IL1RAP: variants seen among roughly 807,000 people sequenced by gnomAD.
IL1RAP encodes interleukin 1 receptor accessory protein, also known as interleukin-1 receptor accessory protein.
IL1RAP carries 35 observed loss-of-function variants against 60.7 expected under a neutral mutation model. The observed-to-expected ratio is 0.58, with a 90% CI of 0.44 to 0.76. The LOEUF is 0.76. IL1RAP is among the 30% of genes least tolerant of loss of function. The pLI is 0.00. For synonymous variants in IL1RAP, 268 were observed against 250.9 expected, an observed-to-expected ratio of 1.07 and a Z score of -0.64; for missense variants, 572 against 693.9, an observed-to-expected ratio of 0.82 and a Z score of 1.97.
chr3:190,650,667 T>G lies in IL1RAP; in HGVS notation c.*1962T>G. 1 of 941,358 alleles carries G rather than the reference T, an allele frequency of 1.1e-6. No homozygotes were observed. The highest frequency in any genetic ancestry group is 4.9e-5 in the South Asian group (1 of 20,414). The allele number at this position is 941,358 out of a possible 1,614,324, so 58.3% of individuals were successfully genotyped here. On this transcript the variant is annotated 3_prime_UTR_variant, in exon 12 of 12. Transcript: ENST00000447382. ...ATTTTAAATTGAAAAAAGTTTCACT[T>G]GGATGAAAAAAGTAGAAAAGTAGGT...
At chr3:190,562,223 T>C (rs1725950681) in intron 2 of IL1RAP, among the ~76,000 whole-genome samples, 2 of 152,230 alleles carry the variant, frequency 1.3e-5, no homozygotes, top group South Asian at 4.1e-4. Context: ...GTCTCAAGTC[T>C]AAATATCCAT....
At position 190,629,511 on chromosome 3, in the gene IL1RAP, G is replaced by T. The variant is rs1732597222; in HGVS notation, c.1051+13G>T. The T allele has an allele frequency of 9.4e-6, 15 of 1,601,462 alleles. No homozygotes were observed. Among genetic ancestry groups the T allele is most frequent in the Non-Finnish European group, 1.3e-5 (15 of 1,174,770 alleles). On this transcript the variant is annotated intron_variant, in intron 9 of 11. Transcript: ENST00000447382. ...GTGAAGCAGAAAGGTAATAGATGCG[G>T]TCAGTGATGAATCTCTCAGCTCCAA...
At chr3:190,643,185 C>G (rs1375094688) in intron 9 of IL1RAP, among the ~76,000 whole-genome samples, 1 of 151,986 alleles carries the variant, frequency 6.6e-6, no homozygotes, top group Admixed American at 6.5e-5. Flanking sequence ...AAATGATAAA[C>G]AAAGGGAAGA....
At chr3:190,577,594 C>T (rs929244859) in intron 3 of IL1RAP, among the ~76,000 whole-genome samples, 3 of 152,184 alleles carry the variant, frequency 2.0e-5, no homozygotes, top group African/African-American at 7.2e-5. Context: ...GTTACCTAGG[C>T]TAGAGTGCTC....
chr3:190,644,464 A>G (rs1024129791), intron 10 of IL1RAP, 67 bp downstream of exon 10: 15 of 1,244,466 alleles, frequency 1.2e-5, no homozygotes, highest in Middle Eastern at 1.9e-4. Context: ...TGTAAAAAAA[A>G]GAAAAAAGAA....
intron 2 of IL1RAP, among the ~76,000 whole-genome samples, chr3:190,557,271 C>G (rs149960048): frequency 6.6e-6 from 1 of 152,308 alleles, no homozygotes; most frequent in East Asian, 1.9e-4. Flanking sequence ...AAACCCAGTT[C>G]TAGTTCTCCC....
intron 3 of IL1RAP, among the ~76,000 whole-genome samples, chr3:190,571,869 T>G (rs1385044346): frequency 6.6e-6 from 1 of 151,980 alleles, no homozygotes. Context: ...CATCAGTTAT[T>G]GTTAGTGTTA....
chr3:190,596,279 T>A (rs966028735), intron 3 of IL1RAP, among the ~76,000 whole-genome samples: 1 of 152,202 alleles, frequency 6.6e-6, no homozygotes, highest in African/African-American at 2.4e-5. Flanking sequence ...GAAGAGCTTT[T>A]CTGTGGAAAA....
intron 1 of IL1RAP, among the ~76,000 whole-genome samples, chr3:190,514,534 C>A (rs375171741): frequency 6.6e-6 from 1 of 151,792 alleles, no homozygotes; most frequent in Non-Finnish European, 1.5e-5. Context: ...CCGCCCCCTC[C>A]CCGCTACCAC....
intron 1 of IL1RAP, among the ~76,000 whole-genome samples, chr3:190,529,202 T>C (rs1418064758): frequency 6.6e-6 from 1 of 152,150 alleles, no homozygotes; most frequent in African/African-American, 2.4e-5. Flanking sequence ...TCTGCCTGGC[T>C]TCAGACGGAG....
intron 2 of IL1RAP, among the ~76,000 whole-genome samples, chr3:190,556,425 C>T (rs1725436041): frequency 1.3e-5 from 2 of 151,770 alleles, no homozygotes; most frequent in South Asian, 4.2e-4. Flanking sequence ...TGTATGTTTT[C>T]ACATGTCACA....
chr3:190,553,827 G>A (rs1725115043), intron 1 of IL1RAP, among the ~76,000 whole-genome samples: 2 of 151,968 alleles, frequency 1.3e-5, no homozygotes, highest in Non-Finnish European at 2.9e-5. Context: ...TTGGGAGGCC[G>A]AGGCGGGCGG....
chr3:190,548,113 A>G (rs1308413469), intron 1 of IL1RAP, among the ~76,000 whole-genome samples: 1 of 152,202 alleles, frequency 6.6e-6, no homozygotes, highest in Middle Eastern at 3.2e-3. Context: ...CCTTGGATCC[A>G]TTCAAGTCTA....
At chr3:190,532,358 GT>G (rs1231272425) in intron 1 of IL1RAP, among the ~76,000 whole-genome samples, 1 of 151,140 alleles carries the variant, frequency 6.6e-6, no homozygotes, top group Non-Finnish European at 1.5e-5. Context: ...CGCCTCCTGG[GT>G]TCACGCCATT....
chr3:190,524,417 A>G (rs1722336318), intron 1 of IL1RAP, among the ~76,000 whole-genome samples: 1 of 152,070 alleles, frequency 6.6e-6, no homozygotes, highest in Non-Finnish European at 1.5e-5. Context: ...ATTATGAAAA[A>G]TCTTTGCCCA....
chr3:190,646,875 A>G (rs770186963), intron 11 of IL1RAP, among the ~76,000 whole-genome samples: 1 of 152,220 alleles, frequency 6.6e-6, no homozygotes, highest in African/African-American at 2.4e-5. Flanking sequence ...TTCTTTCAGT[A>G]TAATTTTTCC....
chr3:190,531,747 C>A (rs1723002759), intron 1 of IL1RAP, among the ~76,000 whole-genome samples: 2 of 152,282 alleles, frequency 1.3e-5, no homozygotes, highest in South Asian at 2.1e-4. Flanking sequence ...ATTCAATGCA[C>A]CCTTGCAGGG....
At chr3:190,522,178 G>T (rs1444808910) in intron 1 of IL1RAP, among the ~76,000 whole-genome samples, 2 of 152,054 alleles carry the variant, frequency 1.3e-5, no homozygotes, top group Non-Finnish European at 2.9e-5. Context: ...GTAAGAAGTA[G>T]GCTGAGCTTC....
At chr3:190,605,706 C>T (rs925022020) in intron 4 of IL1RAP, among the ~76,000 whole-genome samples, 3 of 152,132 alleles carry the variant, frequency 2.0e-5, no homozygotes, top group Admixed American at 6.6e-5. Context: ...CATCTTCTCT[C>T]CTTGTCTTTA....
Sources: gnomAD v4.1 joint callset for allele counts (sites outside exome capture counted in the v4.1 genomes callset) on GRCh38, gnomAD v4.1.1 for gene constraint, MANE v1.5 for transcripts, NCBI Gene and HGNC (gene_info 2026-07-23, HGNC 2026-07-21) for gene names.